PDGFRL: variants seen among roughly 807,000 people sequenced by gnomAD.
PDGFRL encodes the protein platelet-derived growth factor receptor-like protein.
Under a neutral mutation model 37.2 loss-of-function variants are expected in PDGFRL, and 46 were observed. That is an observed-to-expected ratio of 1.24 (90% CI 0.98 to 1.58). PDGFRL has a LOEUF of 1.58. PDGFRL is among the 40% of genes most tolerant of loss of function. The pLI, the probability that PDGFRL is intolerant of heterozygous loss-of-function variation, is 0.00. For missense variants in PDGFRL, 692 were observed against 467.6 expected, an observed-to-expected ratio of 1.48 and a Z score of -4.43; for synonymous variants, 251 against 184.3, an observed-to-expected ratio of 1.36 and a Z score of -2.93.
chr8:17,608,634 G>GTA (rs1055821942), intron 2 of PDGFRL, among the ~76,000 whole-genome samples: 1 of 152,152 alleles, frequency 6.6e-6, no homozygotes, highest in African/African-American at 2.4e-5. Flanking sequence ...TTTGCTTAAT[G>GTA]TATATATAAA....
At chr8:17,627,870 A>T (rs1459904521) in intron 3 of PDGFRL, among the ~76,000 whole-genome samples, 1 of 152,010 alleles carries the variant, frequency 6.6e-6, no homozygotes, top group African/African-American at 2.4e-5. Context: ...GTTAAACTTT[A>T]ACTTGTTAAA....
At chr8:17,603,728 T>C (rs1175151196) in intron 2 of PDGFRL, among the ~76,000 whole-genome samples, 2 of 152,176 alleles carry the variant, frequency 1.3e-5, no homozygotes, top group African/African-American at 2.4e-5. Context: ...CTATATCCCA[T>C]AGATCTTTTA....
At chr8:17,584,043 A>T (rs551547293) in intron 1 of PDGFRL, among the ~76,000 whole-genome samples, 1 of 152,184 alleles carries the variant, frequency 6.6e-6, no homozygotes, top group Non-Finnish European at 1.5e-5. Context: ...GAGATAGTAT[A>T]AATGTCTGGA....
At chr8:17,612,590 C>G (rs1267990830) in intron 2 of PDGFRL, among the ~76,000 whole-genome samples, 2 of 152,152 alleles carry the variant, frequency 1.3e-5, no homozygotes, top group South Asian at 2.1e-4. Context: ...AGGCTGGTCT[C>G]AAACTCCTGA....
chr8:17,598,042 A>C (rs1354853897), intron 2 of PDGFRL, among the ~76,000 whole-genome samples: 1 of 152,250 alleles, frequency 6.6e-6, no homozygotes, highest in African/African-American at 2.4e-5. Flanking sequence ...TGCATTTATA[A>C]ACATTATTAT....
At chr8:17,601,249 T>C (rs1048198541) in intron 2 of PDGFRL, among the ~76,000 whole-genome samples, 1 of 152,222 alleles carries the variant, frequency 6.6e-6, no homozygotes, top group African/African-American at 2.4e-5. Context: ...TATTCCCTGA[T>C]GTTTTCCTCA....
At position 17,623,378 on chromosome 8, in the gene PDGFRL, G is replaced by C. The variant is rs556034218; in HGVS notation, c.505+2176G>C. Among the ~76,000 whole-genome samples the C allele has an allele frequency of 2.6e-5, 4 of 152,308 alleles. No individual in the cohort carries two copies. The South Asian group carries it at 6.2e-4, about 24-fold the overall frequency. On this transcript the variant is annotated intron_variant, in intron 3 of 5. Transcript: ENST00000251630. ...ACACAAGATTGTAAATGTGCCCTTTGTATTATACCATGCTGTGAAGCAACA... is the reference window on the plus strand; with the variant it reads ...ACACAAGATTGTAAATGTGCCCTTTCTATTATACCATGCTGTGAAGCAACA...
intron 2 of PDGFRL, among the ~76,000 whole-genome samples, chr8:17,601,992 G>A (rs767883083): frequency 1.3e-5 from 2 of 152,156 alleles, no homozygotes; most frequent in African/African-American, 2.4e-5. Context: ...TTGGTAATGG[G>A]ATTGCTGGCC....
At chr8:17,585,438 G>T (rs1803795575) in intron 1 of PDGFRL, among the ~76,000 whole-genome samples, 1 of 152,116 alleles carries the variant, frequency 6.6e-6, no homozygotes, top group Admixed American at 6.5e-5. Context: ...AGAAAGGAAG[G>T]GCTTGCTACA....
At chr8:17,638,835 T>C (rs1174878842) in intron 5 of PDGFRL, among the ~76,000 whole-genome samples, 2 of 144,350 alleles carry the variant, frequency 1.4e-5, no homozygotes, top group Non-Finnish European at 1.5e-5. Flanking sequence ...TTACATAATG[T>C]CCGTCTTTCT....
chr8:17,592,574 G>C (rs570191792), intron 2 of PDGFRL, among the ~76,000 whole-genome samples: 1 of 152,102 alleles, frequency 6.6e-6, no homozygotes, highest in African/African-American at 2.4e-5. Flanking sequence ...CTCTGCTTTC[G>C]CTGCCCTGGG....
At chr8:17,637,938 C>G (rs990464721) in intron 5 of PDGFRL, among the ~76,000 whole-genome samples, 2 of 149,956 alleles carry the variant, frequency 1.3e-5, no homozygotes, top group African/African-American at 4.9e-5. Context: ...CTAACTGAAG[C>G]TTATTTGGAT....
At chr8:17,600,205 A>C (rs1351126064) in intron 2 of PDGFRL, among the ~76,000 whole-genome samples, 2 of 152,146 alleles carry the variant, frequency 1.3e-5, no homozygotes, top group Non-Finnish European at 1.5e-5. Context: ...CAACAAGGGC[A>C]CTAAATCCAG....
upstream of PDGFRL, chr8:17,577,115 C>T (rs1189087226): frequency 5.8e-6 from 7 of 1,208,118 alleles, no homozygotes; most frequent in Admixed American, 3.3e-5. Flanking sequence ...CTTTTTCCCC[C>T]AAACCTTGTT....
At chr8:17,591,124 C>T (rs1343554177) in intron 2 of PDGFRL, among the ~76,000 whole-genome samples, 3 of 152,020 alleles carry the variant, frequency 2.0e-5, no homozygotes, top group Admixed American at 1.3e-4. Flanking sequence ...CCTCATGATC[C>T]GCCTGCCTCG....
At chr8:17,593,743 A>T (rs1036169539) in intron 2 of PDGFRL, among the ~76,000 whole-genome samples, 11 of 152,052 alleles carry the variant, frequency 7.2e-5, no homozygotes, top group Non-Finnish European at 1.2e-4. Context: ...AAAAATACAA[A>T]ATTAGCTGGG....
At chr8:17,577,541 G>A (rs1803612959) in intron 1 of PDGFRL, among the ~76,000 whole-genome samples, 1 of 151,748 alleles carries the variant, frequency 6.6e-6, no homozygotes, top group African/African-American at 2.4e-5. Flanking sequence ...CCGACCCTTA[G>A]GAGCCCACCA....
rs144176368 is a variant in PDGFRL, at chr8:17,622,905, C to G, written c.505+1703C>G. Reference sequence around the variant, plus strand: ...TGAGTCACTCCACGTTGATTTATTTCCCTTACTGCATGTGTGTTAAGGGAT... The same window carrying G: ...TGAGTCACTCCACGTTGATTTATTTGCCTTACTGCATGTGTGTTAAGGGAT... On this transcript the variant is annotated intron_variant, in intron 3 of 5. Coordinates refer to ENST00000251630, the MANE Select transcript of PDGFRL (RefSeq NM_001372073.1). Among the ~76,000 whole-genome samples the G allele has an allele frequency of 2.7e-3, 407 of 152,168 alleles. 3 individuals are homozygous for G. Among genetic ancestry groups the G allele is most frequent in the African/African-American group, 9.5e-3 (396 of 41,514 alleles).
chr8:17,595,487 A>G (rs73563749), intron 2 of PDGFRL, among the ~76,000 whole-genome samples: 2,830 of 152,102 alleles, frequency 0.019, 94 homozygotes, highest in South Asian at 0.078. Flanking sequence ...TCTGGCCCCA[A>G]CTTTCTGTCT....
Sources: gnomAD v4.1 joint callset for allele counts (sites outside exome capture counted in the v4.1 genomes callset) on GRCh38, gnomAD v4.1.1 for gene constraint, MANE v1.5 for transcripts, NCBI Gene and HGNC (gene_info 2026-07-23, HGNC 2026-07-21) for gene names.